C13orf42: variants seen among roughly 807,000 people sequenced by gnomAD.
C13orf42 encodes chromosome 13 open reading frame 42, also known as uncharacterized protein C13orf42.
At chr13:51,148,537 C>G (rs1953755562) in intron 1 of C13orf42, among the ~76,000 whole-genome samples, 1 of 152,180 alleles carries the variant, frequency 6.6e-6, no homozygotes, top group Non-Finnish European at 1.5e-5. Context: ...CCCTGCAGAG[C>G]CAGGAGGCTC....
intron 1 of C13orf42, among the ~76,000 whole-genome samples, chr13:51,164,080 T>C (rs902881049): frequency 1.3e-5 from 2 of 152,212 alleles, no homozygotes; most frequent in African/African-American, 4.8e-5. Context: ...AACTGCTCTG[T>C]GTAATATACT....
At chr13:51,153,565 C>CTGCTCA (rs1348479223) in intron 1 of C13orf42, among the ~76,000 whole-genome samples, 1 of 150,372 alleles carries the variant, frequency 6.7e-6, no homozygotes, top group African/African-American at 2.4e-5. Flanking sequence ...TTTAAGTGTA[C>CTGCTCA]TGCTCAGTTG....
intron 1 of C13orf42, among the ~76,000 whole-genome samples, chr13:51,168,793 C>T (rs1953921247): frequency 6.6e-6 from 1 of 152,148 alleles, no homozygotes; most frequent in Non-Finnish European, 1.5e-5. Context: ...AGACTTTCCC[C>T]TTGCTGTTCT....
At chr13:51,086,327 C>CAA (rs11440988) in intron 2 of C13orf42, among the ~76,000 whole-genome samples, 2,084 of 125,546 alleles carry the variant, frequency 0.017, 56 homozygotes, top group East Asian at 0.12. Context: ...CAAAAAAAAA[C>CAA]AAAAAAAAAA....
At chr13:51,085,184 A>AAT (rs57050801) in intron 3 of C13orf42, 135 bp downstream of exon 3, 10,128 of 195,210 alleles carry the variant, frequency 0.052, 353 homozygotes, top group African/African-American at 0.11. Flanking sequence ...AGCAACAACA[A>AAT]ATATATATAT....
chr13:51,124,116 A>AT, intron 1 of C13orf42, among the ~76,000 whole-genome samples: 1 of 152,276 alleles, frequency 6.6e-6, no homozygotes, highest in African/African-American at 2.4e-5. Context: ...TAACAACTGA[A>AT]TAACCCCACC....
At chr13:51,165,032 G>A (rs2408296) in intron 1 of C13orf42, among the ~76,000 whole-genome samples, 35,266 of 152,016 alleles carry the variant, frequency 0.23, 4,472 homozygotes, top group Admixed American at 0.32. Context: ...AGATCATTAC[G>A]GGTGTGCTGA....
intron 3 of C13orf42, 49 bp downstream of exon 3, chr13:51,085,270 T>C: frequency 2.5e-6 from 1 of 396,528 alleles, no homozygotes. Flanking sequence ...CCCAAGCGTC[T>C]GGAGGCCACG....
At chr13:51,170,113 G>A (rs568262550) in intron 1 of C13orf42, among the ~76,000 whole-genome samples, 44 of 152,148 alleles carry the variant, frequency 2.9e-4, no homozygotes, top group African/African-American at 8.9e-4. Flanking sequence ...AGCACCTTGC[G>A]ATCCCCACTC....
chr13:51,117,219 C>T (rs12876050), intron 1 of C13orf42, among the ~76,000 whole-genome samples: 55,229 of 152,118 alleles, frequency 0.36, 10,472 homozygotes, highest in South Asian at 0.49. Context: ...TTGTAGTCAG[C>T]TTTGAGAATA....
chr13:51,128,627 G>A (rs904275235), intron 1 of C13orf42, among the ~76,000 whole-genome samples: 1 of 152,142 alleles, frequency 6.6e-6, no homozygotes, highest in Non-Finnish European at 1.5e-5. Flanking sequence ...AGATTTAGGG[G>A]GTTAGAGACC....
upstream of C13orf42, among the ~76,000 whole-genome samples, chr13:51,113,980 T>A (rs753758922): frequency 2.6e-5 from 4 of 152,248 alleles, no homozygotes; most frequent in Non-Finnish European, 4.4e-5. Flanking sequence ...AGAATCTGCA[T>A]AAAGTGACTT....
intron 1 of C13orf42, among the ~76,000 whole-genome samples, chr13:51,167,061 A>G (rs1436790991): frequency 1.3e-5 from 2 of 151,184 alleles, no homozygotes; most frequent in Non-Finnish European, 2.9e-5. Context: ...CCTGGGTGAC[A>G]GAGTGAGACC....
At chr13:51,107,183 T>A (rs1953367075) in intron 1 of C13orf42, among the ~76,000 whole-genome samples, 1 of 152,186 alleles carries the variant, frequency 6.6e-6, no homozygotes, top group East Asian at 1.9e-4. Context: ...GACCATTTGG[T>A]ACCCTGGCCT....
At chr13:51,088,165 G>A (rs569304756) in intron 1 of C13orf42, 90 bp from the exon 2 acceptor site, 195 of 396,736 alleles carry the variant, frequency 4.9e-4, no homozygotes, top group African/African-American at 3.3e-3. Flanking sequence ...AACGAAATGC[G>A]CGTGGGGTTA....
Position 51,167,771 on chromosome 13 carries a change from T to G in C13orf42, n.136+4482A>C, listed in dbSNP as rs547815219. 3.3e-5 allele frequency among the ~76,000 whole-genome samples: 5 copies of G among 152,354 alleles called. No homozygotes were observed. In the East Asian group the frequency reaches 9.6e-4, roughly 29 times the overall value. On this transcript the variant is annotated intron_variant and non_coding_transcript_variant, in intron 1 of 4. Coordinates refer to the C13orf42 transcript ENST00000433280. ...ATCAGGATAAATGCCTGATTGGGCCTCGGCTAATCAACTCTAGCGGTTTCT... is the reference window on the plus strand; with the variant it reads ...ATCAGGATAAATGCCTGATTGGGCCGCGGCTAATCAACTCTAGCGGTTTCT...
At chr13:51,119,167 A>C (rs537353944) in intron 1 of C13orf42, among the ~76,000 whole-genome samples, 1 of 152,072 alleles carries the variant, frequency 6.6e-6, no homozygotes, top group East Asian at 1.9e-4. Context: ...CAGTATGCCC[A>C]GGTGTACAGT....
At chr13:51,117,996 C>T (rs1395348621) in intron 1 of C13orf42, among the ~76,000 whole-genome samples, 1 of 152,220 alleles carries the variant, frequency 6.6e-6, no homozygotes. Flanking sequence ...AGGCTTTGCA[C>T]ATTCCTTTCA....
At chr13:51,112,045 C>T (rs1334629788), upstream of C13orf42, among the ~76,000 whole-genome samples, 4 of 152,232 alleles carry the variant, frequency 2.6e-5, no homozygotes, top group Non-Finnish European at 4.4e-5. Context: ...ACATTTTTAA[C>T]TTAGACTAGT....
Sources: allele counts gnomAD v4.1 joint callset (sites outside exome capture counted in the v4.1 genomes callset), GRCh38; gene constraint gnomAD v4.1.1; transcripts MANE v1.5; gene names NCBI Gene and HGNC (gene_info 2026-07-23, HGNC 2026-07-21).